The following CSK variants were observed in gnomAD, a reference collection of about 807,000 sequenced individuals.
CSK encodes tyrosine-protein kinase CSK.
CSK carries 7 observed loss-of-function variants against 62.3 expected under a neutral mutation model. That is an observed-to-expected ratio of 0.11 (90% confidence interval 0.06 to 0.21). The LOEUF (loss-of-function observed/expected upper bound fraction) is 0.21. Ranked by LOEUF, CSK falls within the 10% of genes least tolerant of loss-of-function variation. The probability of loss-of-function intolerance (pLI) is 1.00; values close to 1 mark genes in which losing one functional copy is unlikely to be tolerated. For synonymous variants in CSK, 237 were observed against 246.0 expected (o/e 0.96, Z 0.34); for missense variants, 294 against 613.5 (o/e 0.48, Z 5.50).
intron 1 of CSK, among the ~76,000 whole-genome samples, chr15:74,796,585 C>G (rs2063709026): frequency 6.7e-6 from 1 of 150,154 alleles, no homozygotes; most frequent in Admixed American, 6.6e-5. Flanking sequence ...CAGAGTGAGA[C>G]CCTTTCTCAA....
intron 1 of CSK, among the ~76,000 whole-genome samples, chr15:74,789,636 G>T (rs1024022395): frequency 6.6e-6 from 1 of 152,114 alleles, no homozygotes; most frequent in Non-Finnish European, 1.5e-5. Context: ...AGGTTCCCTG[G>T]GCCCCCATCC....
At chr15:74,802,253 C>T in intron 12 of CSK, 78 bp from the exon 13 acceptor site, 1 of 1,464,104 alleles carries the variant, frequency 6.8e-7, no homozygotes, top group Non-Finnish European at 9.2e-7. Flanking sequence ...AGCTGATGGG[C>T]ATCCCTGAGA....
chr15:74,785,366 C>T (rs746940953), intron 1 of CSK, among the ~76,000 whole-genome samples: 4 of 152,180 alleles, frequency 2.6e-5, no homozygotes, highest in Non-Finnish European at 4.4e-5. Context: ...CATTTTTCCC[C>T]TCTGTTGCTG....
chr15:74,800,608 T>C lies in CSK; in HGVS notation c.557-73T>C, dbSNP rs925342186. ...ACCTCCAGAGAACCCCAGTGCCTGA[T>C]AGTCCAGTCAGCCTCTGTCATCCCA... On this transcript the variant is annotated intron_variant, in intron 6 of 12. Transcript: ENST00000220003. The C allele has an allele frequency of 3.2e-6, 5 of 1,541,948 alleles. No homozygotes were observed. The African/African-American group carries it at 6.8e-5, about 21-fold the overall frequency.
At chr15:74,788,257 G>A (rs1463693679) in intron 1 of CSK, among the ~76,000 whole-genome samples, 1 of 152,136 alleles carries the variant, frequency 6.6e-6, no homozygotes, top group Non-Finnish European at 1.5e-5. Flanking sequence ...AGTGGGCACA[G>A]AAGTACCTCT....
chr15:74,802,732 G>A lies in CSK; in HGVS notation c.*219G>A, dbSNP rs35878711. 0.018 allele frequency: 9,383 copies of A among 524,262 alleles called. 753 individuals are homozygous for A. The highest frequency in any genetic ancestry group is 0.17 in the African/African-American group (8,519 of 49,578). The allele number at this position is 524,262 out of a possible 1,614,324, so 32.5% of individuals were successfully genotyped here. A position where few individuals can be genotyped will look rare whatever the true frequency, so the allele number is the denominator to read the frequency against. ...AGGGGCCAGGGAGGAAGGAGGCCAC[G>A]GAGCGGGAGGCAGCGCCCCACCACG... is the stretch of plus-strand genomic sequence containing the variant. On this transcript the variant is annotated 3_prime_UTR_variant, in exon 13 of 13. Transcript: ENST00000220003.
At position 74,782,364 on chromosome 15, in the gene CSK, C is replaced by G. The variant is rs1256981435; in HGVS notation, c.-422C>G. The stretch of plus-strand genomic sequence containing the variant: ...TGGAGCGCGAGGAGCCCCGCGGCCC[C>G]GATCGAGCGTCCGGGGCGGCCCCCG... On this transcript the variant is annotated 5_prime_UTR_variant, in exon 1 of 13. Coordinates refer to ENST00000220003, the MANE Select transcript of CSK (RefSeq NM_004383.3). The surrounding 1 kb of genome is among the most constrained non-coding windows in gnomAD (Gnocchi z 5.7). 1.3e-5 allele frequency: 2 copies of G among 150,824 alleles called. No homozygotes were observed. The highest frequency in any genetic ancestry group is 3.0e-5 in the Non-Finnish European group (2 of 67,406). The allele number at this position is 150,824 out of a possible 1,614,324, so 9.3% of individuals were successfully genotyped here. A position where few individuals can be genotyped will look rare whatever the true frequency, so the allele number is the denominator to read the frequency against.
intron 5 of CSK, 33 bp from the exon 6 acceptor site, chr15:74,800,379 G>A (rs1232756901): frequency 8.1e-6 from 13 of 1,602,456 alleles, no homozygotes; most frequent in African/African-American, 1.3e-5. Context: ...ACCTTGGGCT[G>A]TCTCTGAGCA....
At chr15:74,784,113 G>A (rs557730103) in intron 1 of CSK, among the ~76,000 whole-genome samples, 1 of 152,246 alleles carries the variant, frequency 6.6e-6, no homozygotes. Flanking sequence ...GCCCAGGAGA[G>A]CAGGCATTGC....
intron 9 of CSK, 103 bp from the exon 10 acceptor site, chr15:74,801,419 C>G: frequency 8.6e-7 from 1 of 1,164,808 alleles, no homozygotes; most frequent in Middle Eastern, 2.8e-4. Context: ...TTCCCTGTCT[C>G]ACACCTCCCT....
chr15:74,782,086 G>C lies in CSK; in HGVS notation c.-700G>C, dbSNP rs961367022. ...GCGCGCTGCCGCGGGCGGAGGATCCGGGCCGCGCTTCCTCTCGCCAGGCCT... is the reference window on the plus strand; with the variant it reads ...GCGCGCTGCCGCGGGCGGAGGATCCCGGCCGCGCTTCCTCTCGCCAGGCCT... On this transcript the variant is annotated 5_prime_UTR_variant, in exon 1 of 13. Transcript: ENST00000220003. The surrounding 1 kb of genome is among the most constrained non-coding windows in gnomAD (Gnocchi z 5.7). 2.7e-5 allele frequency: 4 copies of C among 147,808 alleles called. No homozygotes were observed. Among genetic ancestry groups the C allele is most frequent in the Middle Eastern group, 3.4e-3 (1 of 290 alleles). The allele number at this position is 147,808 out of a possible 1,614,324, so 9.2% of individuals were successfully genotyped here.
intron 1 of CSK, among the ~76,000 whole-genome samples, chr15:74,786,505 G>C (rs978902399): frequency 7.9e-5 from 12 of 152,182 alleles, no homozygotes; most frequent in African/African-American, 2.4e-4. Flanking sequence ...AGCCAAGGAA[G>C]GGAAAGAAGC....
chr15:74,800,696 A>G lies in CSK; in HGVS notation c.572A>G (p.Asn191Ser). ...CTCCCCACAGGCGGCTGGGCCCTGAACATGAAGGAGCTGAAGCTGCTGCAG... is the reference window on the plus strand; with the variant it reads ...CTCCCCACAGGCGGCTGGGCCCTGAGCATGAAGGAGCTGAAGCTGCTGCAG... ...DEFYRSGWAL[N>S]MKELKLLQTI... is the part of the protein sequence containing the mutation. The change falls in exon 7 of 13, where the codon AAC (asparagine) becomes AGC (serine). Residue 191 changes from asparagine to serine, a missense_variant. Physicochemically the swap from Asn to Ser is conservative, Grantham distance 46. Around this residue, in one of 3 missense-constraint regions of CSK, gnomAD observed 202 missense variants for 415.7 expected, o/e 0.49. Transcript: ENST00000220003. The G allele has an allele frequency of 6.4e-7, 1 of 1,558,200 alleles. No individual in the cohort carries two copies. Among genetic ancestry groups the G allele is most frequent in the Non-Finnish European group, 8.7e-7 (1 of 1,150,424 alleles).
chr15:74,789,723 CCT>C (rs2063588078), intron 1 of CSK, among the ~76,000 whole-genome samples: 1 of 152,180 alleles, frequency 6.6e-6, no homozygotes, highest in Non-Finnish European at 1.5e-5. Flanking sequence ...TCAAGGCGCC[CCT>C]CTCTCAGTCA....
At chr15:74,791,213 C>T (rs2063615371) in intron 1 of CSK, among the ~76,000 whole-genome samples, 1 of 152,082 alleles carries the variant, frequency 6.6e-6, no homozygotes. Context: ...TCTTTAAAAA[C>T]ACAACTTGTA....
intron 1 of CSK, among the ~76,000 whole-genome samples, chr15:74,783,836 G>C (rs1304828718): frequency 1.3e-5 from 2 of 152,220 alleles, no homozygotes; most frequent in Non-Finnish European, 2.9e-5. Context: ...TCCTGACCCA[G>C]CACTCGCCAC....
At chr15:74,799,541 C>T in intron 5 of CSK, 50 bp downstream of exon 5, 1 of 1,548,748 alleles carries the variant, frequency 6.5e-7, no homozygotes, top group Non-Finnish European at 8.8e-7. Flanking sequence ...CACCCTAAAC[C>T]CATCTGGGGC....
In CSK at chr15:74,798,214, T is replaced by G. The variant is rs1034416690; in HGVS notation, c.-65-19T>G. Reference sequence around the variant, plus strand: ...CATTTCTTCACACCCCTCCTCAGTCTTCATGCTCTTCCCCACAGCTCTAAT... The same window carrying G: ...CATTTCTTCACACCCCTCCTCAGTCGTCATGCTCTTCCCCACAGCTCTAAT... On this transcript the variant is annotated intron_variant, in intron 1 of 12. Transcript: ENST00000220003. This position sits in a 1 kb window ranked among gnomAD's most constrained non-coding sequence, Gnocchi z 6.6. The G allele has an allele frequency of 4.1e-6, 6 of 1,472,222 alleles. No individual in the cohort carries two copies. Among genetic ancestry groups the G allele is most frequent in the Non-Finnish European group, 5.5e-6 (6 of 1,097,240 alleles). The allele number at this position is 1,472,222 out of a possible 1,614,324, so 91.2% of individuals were successfully genotyped here.
intron 9 of CSK, 143 bp from the exon 10 acceptor site, chr15:74,801,379 G>A (rs2063789968): frequency 1.1e-5 from 8 of 760,766 alleles, no homozygotes; most frequent in Admixed American, 2.8e-5. Context: ...AGCAGTGTCC[G>A]GCATGGATGT....
Sources: allele counts gnomAD v4.1 joint callset (sites outside exome capture counted in the v4.1 genomes callset), GRCh38; gene constraint gnomAD v4.1.1; regional missense constraint gnomAD v4.1.1; non-coding constraint Gnocchi (gnomAD v3.1); transcripts MANE v1.5; gene names NCBI Gene and HGNC (gene_info 2026-07-23, HGNC 2026-07-21).